Variants in TRAPPC9 observed in about 807,000 individuals in gnomAD.
TRAPPC9 encodes the protein trafficking protein particle complex subunit 9.
A neutral mutation model predicts 124.0 loss-of-function variants in TRAPPC9; 83 were observed. The ratio of observed to expected loss-of-function variants is 0.67; its 90% confidence interval spans 0.56 to 0.80. The LOEUF (loss-of-function observed/expected upper bound fraction) is 0.80, where lower values mean the gene tolerates loss of function less well. Among genes scored for constraint, TRAPPC9 ranks in the 30% least tolerant of loss-of-function variants. The pLI is 0.00. For synonymous variants in TRAPPC9, 638 were observed against 617.5 expected, an observed-to-expected ratio of 1.03 and a Z score of -0.49; for missense variants, 1,302 against 1,508.3, an observed-to-expected ratio of 0.86 and a Z score of 2.27.
chr8:140,081,310 T>C (rs1174748286), intron 17 of TRAPPC9, among the ~76,000 whole-genome samples: 2 of 151,526 alleles, frequency 1.3e-5, no homozygotes, highest in African/African-American at 2.4e-5. Flanking sequence ...CTCAGTATTT[T>C]GCTCCACATA....
intron 6 of TRAPPC9, among the ~76,000 whole-genome samples, chr8:140,400,922 C>A (rs1042258948): frequency 6.6e-6 from 1 of 152,130 alleles, no homozygotes; most frequent in Admixed American, 6.5e-5. Context: ...TACTCCAAAC[C>A]TTATTTTTAT....
At chr8:140,021,600 G>A (rs570571374) in intron 18 of TRAPPC9, among the ~76,000 whole-genome samples, 1 of 152,244 alleles carries the variant, frequency 6.6e-6, no homozygotes, top group Admixed American at 6.5e-5. Context: ...TCTGATGGAT[G>A]AGCTTATATC....
Position 140,211,016 on chromosome 8 carries a change from T to G in TRAPPC9, c.2556+10443A>C, listed in dbSNP as rs114296765. 2.6e-3 allele frequency among the ~76,000 whole-genome samples: 400 copies of G among 152,004 alleles called. 3 individuals carry two copies. Among genetic ancestry groups the G allele is most frequent in the African/African-American group, 9.1e-3 (378 of 41,334 alleles). ...CTATTTGTTGTATATCCTAGGGTTT[T>G]TTTTTTTTTAAAAACTTGAATACAT... On this transcript the variant is annotated intron_variant, in intron 17 of 22. Transcript: ENST00000438773.
chr8:140,221,647 G>T, intron 16 of TRAPPC9, 64 bp from the exon 17 acceptor site: 1 of 1,557,162 alleles, frequency 6.4e-7, no homozygotes, highest in South Asian at 1.2e-5. Context: ...TGTTGTTGTT[G>T]TTGTTGTTTG....
intron 17 of TRAPPC9, among the ~76,000 whole-genome samples, chr8:140,092,299 G>C (rs2130197312): frequency 6.7e-6 from 1 of 149,840 alleles, no homozygotes; most frequent in East Asian, 2.0e-4. Context: ...CCATGTTCAA[G>C]CAATTCTCCT....
chr8:139,829,275 T>A (rs1440771416), intron 21 of TRAPPC9, among the ~76,000 whole-genome samples: 1 of 152,272 alleles, frequency 6.6e-6, no homozygotes, highest in Non-Finnish European at 1.5e-5. Flanking sequence ...CGTGCACCAC[T>A]TTTTAAAGCC....
chr8:139,946,610 T>G (rs542802303), intron 19 of TRAPPC9, among the ~76,000 whole-genome samples: 2 of 151,756 alleles, frequency 1.3e-5, no homozygotes, highest in African/African-American at 4.8e-5. Context: ...ATAAAGATGT[T>G]AGGTGGCAGC....
intron 15 of TRAPPC9, among the ~76,000 whole-genome samples, chr8:140,260,547 C>T (rs999536674): frequency 6.6e-6 from 1 of 152,168 alleles, no homozygotes; most frequent in African/African-American, 2.4e-5. Flanking sequence ...ACCACTAGTG[C>T]AAACTAATTA....
At chr8:139,973,901 CT>C (rs955378068) in intron 19 of TRAPPC9, among the ~76,000 whole-genome samples, 5 of 152,140 alleles carry the variant, frequency 3.3e-5, no homozygotes, top group Non-Finnish European at 7.4e-5. Flanking sequence ...CCCTGCGAAC[CT>C]CCCCACACAC....
In TRAPPC9 at chr8:140,425,923, C is replaced by T. The variant is rs577880834; in HGVS notation, c.886+692G>A. Among the ~76,000 whole-genome samples the T allele has an allele frequency of 4.6e-5, 7 of 152,326 alleles. No homozygotes were observed. The South Asian group carries it at 6.2e-4, about 14-fold the overall frequency. On this transcript the variant is annotated intron_variant, in intron 5 of 22. Coordinates refer to ENST00000438773, the MANE Select transcript of TRAPPC9 (RefSeq NM_001160372.4). ...GAGTGAACGCAAATGTTAAAACCAACGCCTGCAAACCTGGGGCAACTTCAT... is the reference window on the plus strand; with the variant it reads ...GAGTGAACGCAAATGTTAAAACCAATGCCTGCAAACCTGGGGCAACTTCAT...
chr8:139,877,493 G>A (rs536813838), intron 21 of TRAPPC9, among the ~76,000 whole-genome samples: 10 of 152,284 alleles, frequency 6.6e-5, no homozygotes, highest in Admixed American at 3.9e-4. Flanking sequence ...GCTCCAGCCC[G>A]ATGTGCAGAT....
intron 17 of TRAPPC9, among the ~76,000 whole-genome samples, chr8:140,129,004 T>TATATATA (rs1184610575): frequency 1.5e-5 from 2 of 137,206 alleles, no homozygotes; most frequent in Non-Finnish European, 3.1e-5. Context: ...TATATATATA[T>TATATATA]TAAAAAAAAA....
intron 7 of TRAPPC9, among the ~76,000 whole-genome samples, chr8:140,381,384 A>G (rs2068603163): frequency 6.6e-6 from 1 of 152,098 alleles, no homozygotes; most frequent in Non-Finnish European, 1.5e-5. Context: ...CTTGACAAAG[A>G]GGACCAGGCG....
At chr8:140,341,471 T>C (rs2067191409) in intron 9 of TRAPPC9, among the ~76,000 whole-genome samples, 1 of 152,152 alleles carries the variant, frequency 6.6e-6, no homozygotes, top group African/African-American at 2.4e-5. Flanking sequence ...TTCAAGTACA[T>C]AAGTGAACCT....
intron 17 of TRAPPC9, among the ~76,000 whole-genome samples, chr8:140,196,184 C>T (rs1275034927): frequency 3.4e-4 from 40 of 116,414 alleles, no homozygotes; most frequent in African/African-American, 1.3e-3. Context: ...ACACACTCAA[C>T]GATCCACCAT....
chr8:139,801,881 G>A (rs754355391), intron 21 of TRAPPC9, among the ~76,000 whole-genome samples: 1 of 152,156 alleles, frequency 6.6e-6, no homozygotes, highest in Non-Finnish European at 1.5e-5. Context: ...TGCGCCTCTC[G>A]GTAACCTCCT....
rs374088252 is a variant in TRAPPC9, at chr8:140,145,762, T to C, written c.2556+75697A>G. Among the ~76,000 whole-genome samples, 5 of 152,334 alleles carry C rather than the reference T, an allele frequency of 3.3e-5. No homozygotes were observed. In the East Asian group the frequency reaches 7.7e-4, roughly 23 times the overall value. On this transcript the variant is annotated intron_variant, in intron 17 of 22. Transcript: ENST00000438773. ...AAAATCCTAGTCACTGGTGAACTTTTTGGACCAAGAACCTAGCTAACTGTT... is the reference window on the plus strand; with the variant it reads ...AAAATCCTAGTCACTGGTGAACTTTCTGGACCAAGAACCTAGCTAACTGTT...
At chr8:140,417,083 G>A (rs557683979) in intron 5 of TRAPPC9, among the ~76,000 whole-genome samples, 12 of 152,320 alleles carry the variant, frequency 7.9e-5, no homozygotes, top group African/African-American at 2.6e-4. Flanking sequence ...ATGGATTAAA[G>A]ACTTAAACGT....
chr8:139,735,004 A>AC (rs1434497123), intron 21 of TRAPPC9, among the ~76,000 whole-genome samples: 2 of 152,186 alleles, frequency 1.3e-5, no homozygotes, highest in African/African-American at 4.8e-5. Flanking sequence ...GCTGGGATAA[A>AC]CCTGGGGGTC....
Sources: gnomAD v4.1 joint callset for allele counts (sites outside exome capture counted in the v4.1 genomes callset) on GRCh38, gnomAD v4.1.1 for gene constraint, MANE v1.5 for transcripts, NCBI Gene and HGNC (gene_info 2026-07-23, HGNC 2026-07-21) for gene names.